The following SNRPA variants were observed in gnomAD, a reference collection of about 807,000 sequenced individuals.
SNRPA encodes the protein U1 small nuclear ribonucleoprotein A.
Under a neutral mutation model 24.5 loss-of-function variants are expected in SNRPA, and 10 were observed. That is an observed-to-expected ratio of 0.41 (90% CI 0.25 to 0.69). SNRPA has a LOEUF of 0.69. SNRPA is among the 30% of genes least tolerant of loss of function. The pLI, the probability that SNRPA is intolerant of heterozygous loss-of-function variation, is 0.33. For missense variants in SNRPA, 283 were observed against 394.7 expected (o/e 0.72, Z 2.40); for synonymous variants, 165 against 148.4 (o/e 1.11, Z -0.81).
intron 2 of SNRPA, among the ~76,000 whole-genome samples, chr19:40,757,930 A>T (rs1404599135): frequency 6.6e-6 from 1 of 151,442 alleles, no homozygotes; most frequent in African/African-American, 2.4e-5. Flanking sequence ...CAACAGAGTG[A>T]GACTCTGTCT....
intron 1 of SNRPA, among the ~76,000 whole-genome samples, chr19:40,754,133 TCG>T (rs1421922987): frequency 2.2e-5 from 3 of 138,476 alleles, no homozygotes; most frequent in Non-Finnish European, 4.6e-5. Flanking sequence ...AGACGGAGTG[TCG>T]CTCTGTTGCC....
chr19:40,758,671 A>G (rs2082918470), intron 2 of SNRPA: 1 of 152,204 alleles, frequency 6.6e-6, no homozygotes, highest in African/African-American at 2.4e-5. Context: ...AAGGAAGTTA[A>G]GGCCAAGATA....
At chr19:40,752,584 A>C (rs948563324) in intron 1 of SNRPA, among the ~76,000 whole-genome samples, 11 of 146,580 alleles carry the variant, frequency 7.5e-5, no homozygotes, top group Middle Eastern at 3.4e-3. Context: ...CTCTACAAAA[A>C]AAAAAAAAAA....
At chr19:40,753,384 GTTTTTTTTTTTTTTTTTT>G (rs746525368) in intron 1 of SNRPA, among the ~76,000 whole-genome samples, 1 of 38,382 alleles carries the variant, frequency 2.6e-5, no homozygotes, top group Non-Finnish European at 4.3e-5. Flanking sequence ...TTTTGCATAT[GTTTTTTTTTTTTTTTTTT>G]TTTTTTTTTT....
chr19:40,764,842 GT>G (rs1209502901), intron 5 of SNRPA, among the ~76,000 whole-genome samples, 165 bp from the exon 6 acceptor site: 1 of 152,212 alleles, frequency 6.6e-6, no homozygotes, highest in African/African-American at 2.4e-5. Context: ...TTACATTAGA[GT>G]TTTTCAACTT....
At chr19:40,759,344 C>T in intron 2 of SNRPA, 87 bp from the exon 3 acceptor site, 4 of 1,322,104 alleles carry the variant, frequency 3.0e-6, no homozygotes, top group Non-Finnish European at 4.2e-6. Flanking sequence ...GCCGCAGCAC[C>T]TGGCCCCTGA....
chr19:40,762,074 T>C (rs1568485722), intron 3 of SNRPA, among the ~76,000 whole-genome samples: 1 of 152,118 alleles, frequency 6.6e-6, no homozygotes, highest in Non-Finnish European at 1.5e-5. Flanking sequence ...GCACCTAGTT[T>C]TCTGTCCACT....
chr19:40,756,863 C>A lies in SNRPA; in HGVS notation c.74-469C>A, dbSNP rs116492098. On this transcript the variant is annotated intron_variant, in intron 1 of 5. Transcript: ENST00000243563. ...ATGTAAACCTCAGGGGAGGGATGTT[C>A]CAGGTAAAGAGAGCAGCCAGTTCAA... Among the ~76,000 whole-genome samples the A allele has an allele frequency of 3.5e-3, 527 of 152,152 alleles. 4 individuals are homozygous for A. Among genetic ancestry groups the A allele is most frequent in the African/African-American group, 0.012 (494 of 41,506 alleles).
At chr19:40,757,776 C>T (rs1176146321) in intron 2 of SNRPA, among the ~76,000 whole-genome samples, 1 of 151,578 alleles carries the variant, frequency 6.6e-6, no homozygotes, top group African/African-American at 2.4e-5. Flanking sequence ...AACCCTGTCT[C>T]TACTAAAATA....
chr19:40,753,643 C>T (rs1235584999), intron 1 of SNRPA, among the ~76,000 whole-genome samples: 2 of 151,744 alleles, frequency 1.3e-5, no homozygotes, highest in Non-Finnish European at 1.5e-5. Context: ...GTGATCCGCC[C>T]ACCTCGGCCT....
rs201840992 is a variant in SNRPA at position 40,751,377 on chromosome 19, C to T, written c.-32C>T. 114 of 1,561,900 alleles carry T rather than the reference C, an allele frequency of 7.3e-5. No homozygotes were observed. The highest frequency in any genetic ancestry group is 1.3e-4 in the East Asian group (6 of 44,592). ...ACCCAGGGCTAAAGTCACGTTTTTC[C>T]TCCTTTAAGACTTACCTCAACACTT... On this transcript the variant is annotated 5_prime_UTR_variant, in exon 1 of 6. Coordinates refer to ENST00000243563, the MANE Select transcript of SNRPA (RefSeq NM_004596.5).
Position 40,765,131 on chromosome 19 carries a change from GAAC to G in SNRPA, c.817_819del (p.Asn273del). The G allele has an allele frequency of 6.4e-7, 1 of 1,556,136 alleles. No individual in the cohort carries two copies. Among genetic ancestry groups the G allele is most frequent in the Non-Finnish European group, 8.7e-7 (1 of 1,152,562 alleles). ...CCCTGCAGGGCTTTAAGATCACGCAGAACAACGCCATGAAGATCTCCTTTGCCA... is the reference window on the plus strand; with the variant it reads ...CCCTGCAGGGCTTTAAGATCACGCAGAACGCCATGAAGATCTCCTTTGCCA... On this transcript the variant is annotated inframe_deletion, in exon 6 of 6. Transcript: ENST00000243563.
At chr19:40,752,579 C>CAAA (rs59705765) in intron 1 of SNRPA, among the ~76,000 whole-genome samples, 235 of 60,820 alleles carry the variant, frequency 3.9e-3, no homozygotes, top group Middle Eastern at 0.013. Flanking sequence ...CTTTTCTCTA[C>CAAA]AAAAAAAAAA....
Position 40,759,473 on chromosome 19 carries a change from A to G in SNRPA, c.289A>G (p.Met97Val). 6.2e-7 allele frequency: 1 copy of G among 1,613,760 alleles called. No homozygotes were observed. The highest frequency in any genetic ancestry group is 1.1e-5 in the South Asian group (1 of 91,066). Residue 97 changes from methionine to valine, a missense_variant, in exon 3 of 6, where the codon ATG becomes GTG. Coordinates refer to ENST00000243563, the MANE Select transcript of SNRPA (RefSeq NM_004596.5). ...AKTDSDIIAKMKGTFVERDRK... is the reference protein window; with the variant it reads ...AKTDSDIIAKVKGTFVERDRK... ...GACCGACTCAGATATCATTGCCAAG[A>G]TGAAAGGCACCTTCGTGGAGCGGGA...
intron 4 of SNRPA, 136 bp downstream of exon 4, chr19:40,763,210 T>G: frequency 1.5e-6 from 1 of 654,948 alleles, no homozygotes; most frequent in Admixed American, 3.0e-5. Context: ...AATGAGGAAG[T>G]AGCAGTGGGG....
chr19:40,757,000 G>C, intron 1 of SNRPA: 1 of 289,686 alleles, frequency 3.5e-6, no homozygotes. Flanking sequence ...CCAGGGCCAC[G>C]TCATGCAGGC....
chr19:40,752,540 C>A, intron 1 of SNRPA, among the ~76,000 whole-genome samples: 1 of 114,138 alleles, frequency 8.8e-6, no homozygotes, highest in African/African-American at 3.4e-5. Context: ...CACAGGAGTT[C>A]AAGATCAGCC....
chr19:40,762,023 TG>T (rs1286735734), intron 3 of SNRPA, among the ~76,000 whole-genome samples: 1 of 152,126 alleles, frequency 6.6e-6, no homozygotes, highest in Non-Finnish European at 1.5e-5. Flanking sequence ...TGATGGTGTC[TG>T]GATTACTGTG....
chr19:40,758,613 A>C (rs2082918265), intron 2 of SNRPA, among the ~76,000 whole-genome samples: 1 of 152,202 alleles, frequency 6.6e-6, no homozygotes, highest in Non-Finnish European at 1.5e-5. Flanking sequence ...TTTAGTCCTC[A>C]CAACAGTCCT....
Sources: allele counts gnomAD v4.1 joint callset (sites outside exome capture counted in the v4.1 genomes callset), GRCh38; gene constraint gnomAD v4.1.1; transcripts MANE v1.5; gene names NCBI Gene and HGNC (gene_info 2026-07-23, HGNC 2026-07-21).